The following DPF1 variants were observed in gnomAD, a reference collection of about 807,000 sequenced individuals.
DPF1 encodes double PHD fingers 1.
Under a neutral mutation model 58.7 loss-of-function variants are expected in DPF1, and 14 were observed. The observed-to-expected ratio is 0.24, with a 90% CI of 0.16 to 0.37. The LOEUF is 0.37. Among genes scored for constraint, DPF1 ranks in the 10% least tolerant of loss-of-function variants. The pLI, the probability that DPF1 is intolerant of heterozygous loss-of-function variation, is 1.00. For synonymous variants in DPF1, 216 were observed against 216.0 expected, an observed-to-expected ratio of 1.00 and a Z score of 0.00; for missense variants, 345 against 529.9, an observed-to-expected ratio of 0.65 and a Z score of 3.43.
In DPF1 at chr19:38,217,600, C is replaced by T. The variant is rs773220186; in HGVS notation, c.596-9G>A. 7.8e-6 allele frequency: 12 copies of T among 1,543,684 alleles called. No individual in the cohort carries two copies. Among genetic ancestry groups the T allele is most frequent in the Admixed American group, 4.0e-5 (2 of 50,610 alleles). On this transcript the variant is annotated splice_polypyrimidine_tract_variant and intron_variant, in intron 6 of 11. Coordinates refer to ENST00000355526, the MANE Select transcript of DPF1 (RefSeq NM_001135155.3). ...ATACCGTTTCCCACAGACTGGGGAG[C>T]GAGCGAGCCAGGAGGGCCTGTCAGC... is the stretch of plus-strand genomic sequence containing the variant.
At chr19:38,213,621 C>A (rs1337768274) in intron 10 of DPF1, 23 bp downstream of exon 10, 4 of 1,603,614 alleles carry the variant, frequency 2.5e-6, no homozygotes, top group Admixed American at 1.7e-5. Context: ...CAGCAGGGCA[C>A]GCGGGGGGCG....
At chr19:38,215,017 T>C (rs1966912007) in intron 9 of DPF1, among the ~76,000 whole-genome samples, 1 of 97,346 alleles carries the variant, frequency 1.0e-5, no homozygotes, top group Non-Finnish European at 2.2e-5. Context: ...TGTATTTTTA[T>C]AGAGATGGGG....
intron 3 of DPF1, among the ~76,000 whole-genome samples, chr19:38,221,493 T>C (rs974066227): frequency 6.6e-6 from 1 of 151,114 alleles, no homozygotes; most frequent in African/African-American, 2.4e-5. Context: ...TGAGCTGAGA[T>C]TGCGCCACTG....
At chr19:38,220,465 C>CA (rs998415417) in intron 3 of DPF1, among the ~76,000 whole-genome samples, 7 of 151,466 alleles carry the variant, frequency 4.6e-5, no homozygotes, top group Non-Finnish European at 8.8e-5. Flanking sequence ...ACTAAAAATA[C>CA]AAAAAATTAG....
At chr19:38,217,671 C>G in intron 6 of DPF1, 80 bp from the exon 7 acceptor site, 1 of 1,538,516 alleles carries the variant, frequency 6.5e-7, no homozygotes, top group Non-Finnish European at 8.8e-7. Context: ...AGGATCACAC[C>G]TCCCCCCTCA....
intron 3 of DPF1, among the ~76,000 whole-genome samples, chr19:38,221,047 AAC>A (rs1444859990): frequency 2.0e-5 from 3 of 152,182 alleles, no homozygotes; most frequent in Non-Finnish European, 4.4e-5. Flanking sequence ...CGCACCGCCT[AAC>A]ACACCCAGAC....
chr19:38,217,599 G>A lies in DPF1; in HGVS notation c.596-8C>T, dbSNP rs772626735. 4.5e-6 allele frequency: 7 copies of A among 1,545,340 alleles called. No individual in the cohort carries two copies. The highest frequency in any genetic ancestry group is 4.1e-5 in the African/African-American group (3 of 72,926). Reference sequence around the variant, plus strand: ...TATACCGTTTCCCACAGACTGGGGAGCGAGCGAGCCAGGAGGGCCTGTCAG... The same window carrying A: ...TATACCGTTTCCCACAGACTGGGGAACGAGCGAGCCAGGAGGGCCTGTCAG... On this transcript the variant is annotated splice_region_variant and splice_polypyrimidine_tract_variant and intron_variant, in intron 6 of 11. Coordinates refer to ENST00000355526, the MANE Select transcript of DPF1 (RefSeq NM_001135155.3).
At chr19:38,220,785 C>G (rs189364638) in intron 3 of DPF1, among the ~76,000 whole-genome samples, 4 of 152,184 alleles carry the variant, frequency 2.6e-5, no homozygotes, top group Admixed American at 2.6e-4. Context: ...CACACAAACA[C>G]ACACAGGAGA....
intron 7 of DPF1, among the ~76,000 whole-genome samples, chr19:38,216,860 C>A (rs1230176777): frequency 2.6e-5 from 4 of 152,230 alleles, no homozygotes; most frequent in African/African-American, 9.7e-5. Flanking sequence ...CTCCCAACTG[C>A]ACCCTCAGTA....
chr19:38,212,055 G>A lies in DPF1; in HGVS notation c.*8C>T, dbSNP rs201150102. 5.6e-6 allele frequency: 9 copies of A among 1,609,142 alleles called. No individual in the cohort carries two copies. The highest frequency in any genetic ancestry group is 2.2e-5 in the East Asian group (1 of 44,692). On this transcript the variant is annotated 3_prime_UTR_variant, in exon 12 of 12. Coordinates refer to ENST00000355526, the MANE Select transcript of DPF1 (RefSeq NM_001135155.3). ...CACCACCCCAGAGTCGCGGCGAGCC[G>A]AGCCGGCCTAGGTGAGGGTGATGTA...
chr19:38,218,186 C>T (rs930647372), intron 5 of DPF1, among the ~76,000 whole-genome samples: 3 of 151,822 alleles, frequency 2.0e-5, no homozygotes, highest in East Asian at 1.9e-4. Flanking sequence ...TGTGACAGAG[C>T]GAGACTCCGT....
chr19:38,223,024 C>T (rs931982560), intron 1 of DPF1: 3 of 359,378 alleles, frequency 8.3e-6, no homozygotes, highest in Middle Eastern at 7.1e-4. Context: ...CACAGTCACA[C>T]GGGATTCACA....
chr19:38,217,460 G>C lies in DPF1; in HGVS notation c.727C>G (p.Gln243Glu). Residue 243 changes from glutamine to glutamate, a missense_variant and splice_region_variant, in exon 7 of 12, where the codon CAG becomes GAG. Gln to Glu is a conservative substitution (Grantham distance 29, BLOSUM62 2). Coordinates refer to ENST00000355526, the MANE Select transcript of DPF1 (RefSeq NM_001135155.3). ...ACCCCCACCTGGCCTGCCAGCTCACGTTTATGGTTGTTTTTCCGGTGGAAG... is the reference window on the plus strand; with the variant it reads ...ACCCCCACCTGGCCTGCCAGCTCACCTTTATGGTTGTTTTTCCGGTGGAAG... ...LPFHRKNNHK[Q>E]FYKELAWVPE... The C allele has an allele frequency of 7.1e-7, 1 of 1,402,982 alleles. No homozygotes were observed. Among genetic ancestry groups the C allele is most frequent in the Non-Finnish European group, 9.5e-7 (1 of 1,057,752 alleles). The allele number at this position is 1,402,982 out of a possible 1,614,324, so 86.9% of individuals were successfully genotyped here. A position where few individuals can be genotyped will look rare whatever the true frequency, so the allele number is the denominator to read the frequency against.
chr19:38,213,467 CAG>C (rs1173421543), intron 10 of DPF1, among the ~76,000 whole-genome samples, 175 bp downstream of exon 10: 2 of 152,140 alleles, frequency 1.3e-5, no homozygotes. Context: ...TGGGAGGATC[CAG>C]AGAGATGAAG....
chr19:38,212,380 C>A lies in DPF1; in HGVS notation c.1012-19G>T. On this transcript the variant is annotated intron_variant, in intron 10 of 11. Coordinates refer to ENST00000355526, the MANE Select transcript of DPF1 (RefSeq NM_001135155.3). ...GCTGGTCCTGGGGGGTGAGACCCGC[C>A]CAGCTGGCACCCTGGGGGCACGGGC... The A allele has an allele frequency of 7.0e-7, 1 of 1,427,088 alleles. No individual in the cohort carries two copies. Among genetic ancestry groups the A allele is most frequent in the East Asian group, 2.7e-5 (1 of 37,428 alleles). The allele number at this position is 1,427,088 out of a possible 1,614,324, so 88.4% of individuals were successfully genotyped here. A position where few individuals can be genotyped will look rare whatever the true frequency, so the allele number is the denominator to read the frequency against.
rs1297010979 is a variant in DPF1 at position 38,211,851 on chromosome 19, A to AGAGGGAGG, written c.*204_*211dup. ...CTGGTGTCCATTTGCCAAGGGACAG[A>AGAGGGAGG]GAGGGAGGGAGGGAGGGAGAGGCCC... On this transcript the variant is annotated 3_prime_UTR_variant, in exon 12 of 12. Coordinates refer to ENST00000355526, the MANE Select transcript of DPF1 (RefSeq NM_001135155.3). This position sits in a 1 kb window ranked among gnomAD's most constrained non-coding sequence, Gnocchi z 4.0. 3 of 574,606 alleles carry AGAGGGAGG rather than the reference A, an allele frequency of 5.2e-6. No homozygotes were observed. Among genetic ancestry groups the AGAGGGAGG allele is most frequent in the African/African-American group, 2.0e-5 (1 of 49,044 alleles). The allele number at this position is 574,606 out of a possible 1,614,324, so 35.6% of individuals were successfully genotyped here.
At chr19:38,214,792 G>A (rs1036217704) in intron 9 of DPF1, among the ~76,000 whole-genome samples, 4 of 150,846 alleles carry the variant, frequency 2.7e-5, no homozygotes, top group Admixed American at 6.6e-5. Flanking sequence ...TCAGCCTCCC[G>A]AGTAGCTGGG....
chr19:38,227,597 T>C (rs534962068), upstream of DPF1, among the ~76,000 whole-genome samples: 1 of 152,290 alleles, frequency 6.6e-6, no homozygotes, highest in East Asian at 1.9e-4. Flanking sequence ...AAATCAATAT[T>C]GATACTACTA....
At position 38,219,032 on chromosome 19, in the gene DPF1, C is replaced by A. The variant is rs769211663; in HGVS notation, c.325G>T (p.Gly109Cys). ...AGGACCGGCCCTTCCGGGAGGCCAC[C>A]CTCCTTCTTCAGGGGTGCTTCACAG... is the stretch of plus-strand genomic sequence containing the variant. ...IDCEAPLKKE[G>C]GLPEGPVLEA... Residue 109 changes from glycine (G) to cysteine (C), a missense_variant, in exon 4 of 12, where the codon GGT becomes TGT. Transcript: ENST00000355526. 4 of 1,614,022 alleles carry A rather than the reference C, an allele frequency of 2.5e-6. No homozygotes were observed. Among genetic ancestry groups the A allele is most frequent in the Non-Finnish European group, 3.4e-6 (4 of 1,180,042 alleles).
Sources: allele counts gnomAD v4.1 joint callset (sites outside exome capture counted in the v4.1 genomes callset), GRCh38; gene constraint gnomAD v4.1.1; non-coding constraint Gnocchi (gnomAD v3.1); transcripts MANE v1.5; gene names NCBI Gene and HGNC (gene_info 2026-07-23, HGNC 2026-07-21).